NPM1: variants seen among roughly 807,000 people sequenced by gnomAD.
NPM1 encodes nucleophosmin 1, also known as nucleophosmin.
Under a neutral mutation model 44.1 loss-of-function variants are expected in NPM1, and 1 was observed. That is an observed-to-expected ratio of 0.02 (90% confidence interval 0.01 to 0.11). NPM1 has a LOEUF of 0.11. Ranked by LOEUF, NPM1 falls within the 10% of genes least tolerant of loss-of-function variation. The probability of loss-of-function intolerance (pLI) is 1.00; values close to 1 mark genes in which losing one functional copy is unlikely to be tolerated. For missense variants in NPM1, 197 were observed against 347.8 expected, an observed-to-expected ratio of 0.57 and a Z score of 3.45; for synonymous variants, 126 against 111.8, an observed-to-expected ratio of 1.13 and a Z score of -0.80.
At chr5:171,388,780 C>G (rs1000983258) in intron 1 of NPM1, among the ~76,000 whole-genome samples, 1 of 152,180 alleles carries the variant, frequency 6.6e-6, no homozygotes, top group African/African-American at 2.4e-5. Flanking sequence ...TTTTGAGCCC[C>G]TTTTCTGTCT....
intron 8 of NPM1, among the ~76,000 whole-genome samples, 177 bp downstream of exon 8, chr5:171,401,102 C>T (rs1005083831): frequency 1.3e-5 from 2 of 151,982 alleles, no homozygotes; most frequent in African/African-American, 4.8e-5. Context: ...CCTGTAATCC[C>T]AGCACTTTGG....
At chr5:171,393,966 C>G (rs1335315400) in intron 6 of NPM1, among the ~76,000 whole-genome samples, 1 of 151,578 alleles carries the variant, frequency 6.6e-6, no homozygotes, top group Non-Finnish European at 1.5e-5. Context: ...AATAAAAATT[C>G]AAAGTACTTG....
chr5:171,400,943 C>T lies in NPM1; in HGVS notation c.669+18C>T, dbSNP rs755083292. ...GATCAAAAGTAAGTGGCTACATTTA[C>T]ACGTGGGTCTCATTGATCTAGTTGG... On this transcript the variant is annotated intron_variant, in intron 8 of 10. Coordinates refer to ENST00000296930, the MANE Select transcript of NPM1 (RefSeq NM_002520.7). 6.6e-6 allele frequency: 10 copies of T among 1,516,670 alleles called. No homozygotes were observed. The highest frequency in any genetic ancestry group is 3.4e-5 in the Admixed American group (2 of 59,590). 94.0% of individuals were successfully genotyped at this position (1,516,670 alleles called of 1,614,324 possible).
At position 171,390,849 on chromosome 5, in the gene NPM1, A is replaced by T. The variant is rs990713509; in HGVS notation, c.139-456A>T. ...AGTAATTCCCTGCCTCACCCTCCCG[A>T]GTAGCTGGGATTACAGGCATGTGCC... is the stretch of plus-strand genomic sequence containing the variant. On this transcript the variant is annotated intron_variant, in intron 2 of 10. Transcript: ENST00000296930. Among the ~76,000 whole-genome samples, 17 of 151,830 alleles carry T rather than the reference A, an allele frequency of 1.1e-4. 1 individual carries two copies. The highest frequency in any genetic ancestry group is 2.1e-4 in the Non-Finnish European group (14 of 67,978).
At chr5:171,387,707 A>C (rs1770291127), upstream of NPM1, 2 of 548,512 alleles carry the variant, frequency 3.6e-6, no homozygotes, top group South Asian at 4.5e-5. Context: ...GCGAGGTAGA[A>C]AGGAGTGGGG....
chr5:171,400,346 AT>A, intron 7 of NPM1, 136 bp downstream of exon 7: 1 of 560,018 alleles, frequency 1.8e-6, no homozygotes, highest in Non-Finnish European at 2.6e-6. Context: ...CCTGAGGAGG[AT>A]TACAGAAAAC....
chr5:171,399,694 T>TTTA (rs10684218), intron 6 of NPM1, among the ~76,000 whole-genome samples: 3 of 151,862 alleles, frequency 2.0e-5, no homozygotes, highest in Non-Finnish European at 4.4e-5. Flanking sequence ...TTTTTTTTTT[T>TTTA]AACACAAATT....
At chr5:171,400,982 A>C in intron 8 of NPM1, 57 bp downstream of exon 8, 1 of 1,156,770 alleles carries the variant, frequency 8.6e-7, no homozygotes, top group East Asian at 2.3e-5. Context: ...AAAAGATTCT[A>C]CTGTGGAAGA....
At chr5:171,407,533 A>G (rs996893900) in intron 9 of NPM1, 167 bp from the exon 10 acceptor site, 13 of 629,338 alleles carry the variant, frequency 2.1e-5, no homozygotes, top group Non-Finnish European at 2.2e-5. Context: ...ATGCTGCCCA[A>G]TAGGGCTTTC....
At chr5:171,399,709 CTGAG>C (rs1442213690) in intron 6 of NPM1, among the ~76,000 whole-genome samples, 2 of 151,692 alleles carry the variant, frequency 1.3e-5, no homozygotes, top group Admixed American at 6.6e-5. Flanking sequence ...CAAATTCACT[CTGAG>C]TGTACAGTTT....
chr5:171,389,353 AGT>A (rs1368244932), intron 1 of NPM1, among the ~76,000 whole-genome samples: 1 of 152,240 alleles, frequency 6.6e-6, no homozygotes, highest in East Asian at 1.9e-4. Flanking sequence ...TTATTCTGAC[AGT>A]GTTTTGAAGA....
intron 6 of NPM1, among the ~76,000 whole-genome samples, chr5:171,395,830 G>C (rs1207330584): frequency 1.3e-5 from 2 of 152,176 alleles, no homozygotes; most frequent in Admixed American, 1.3e-4. Flanking sequence ...GATGACTCTT[G>C]ATTTAAGCAA....
rs373962671 is a variant in NPM1 at position 171,387,954 on chromosome 5, A to G, written c.6A>G (p.Glu2=). M[E]DSMDMDMSPL... Reference sequence around the variant, plus strand: ...TAAGTGCGTGCCGCCACCCGATGGAAGATTCGATGGACATGGACATGAGCC... The same window carrying G: ...TAAGTGCGTGCCGCCACCCGATGGAGGATTCGATGGACATGGACATGAGCC... Residue 2 remains glutamate (E), a synonymous_variant, in exon 1 of 11, where the codon GAA becomes GAG. Coordinates refer to ENST00000296930, the MANE Select transcript of NPM1 (RefSeq NM_002520.7). 134 of 1,610,638 alleles carry G rather than the reference A, an allele frequency of 8.3e-5. No homozygotes were observed. Among genetic ancestry groups the G allele is most frequent in the Non-Finnish European group, 1.0e-4 (122 of 1,178,848 alleles).
chr5:171,391,305 G>T lies in NPM1; in HGVS notation c.139G>T (p.Val47Phe), dbSNP rs2113167808. Residue 47 changes from valine to phenylalanine, a missense_variant and splice_region_variant, in exon 3 of 11, where the codon GTC becomes TTC. Around this residue, in one of 5 missense-constraint regions of NPM1, gnomAD observed 43 missense variants for 109.6 expected, o/e 0.39. Coordinates refer to ENST00000296930, the MANE Select transcript of NPM1 (RefSeq NM_002520.7). ...ENEHQLSLRT[V>F]SLGAGAKDEL... ...AGTAGTATTTTTTTTTTGTTCACAG[G>T]TCAGTTTAGGGGCTGGTGCAAAGGA... 6.2e-7 allele frequency: 1 copy of T among 1,608,526 alleles called. No homozygotes were observed. Among genetic ancestry groups the T allele is most frequent in the Non-Finnish European group, 8.5e-7 (1 of 1,178,068 alleles).
chr5:171,404,812 C>T (rs1771476589), intron 8 of NPM1, among the ~76,000 whole-genome samples: 1 of 151,486 alleles, frequency 6.6e-6, no homozygotes, highest in African/African-American at 2.4e-5. Context: ...TGTAGTGAGC[C>T]GAGATCACGC....
chr5:171,388,785 C>G (rs1306022259), intron 1 of NPM1, among the ~76,000 whole-genome samples: 2 of 152,222 alleles, frequency 1.3e-5, no homozygotes, highest in Admixed American at 6.5e-5. Context: ...AGCCCCTTTT[C>G]TGTCTCACTG....
chr5:171,392,303 T>C (rs115051290), intron 4 of NPM1, among the ~76,000 whole-genome samples: 5,558 of 152,280 alleles, frequency 0.036, 385 homozygotes, highest in African/African-American at 0.13. Context: ...GATGTGATCA[T>C]AGCTTGCTAT....
intron 10 of NPM1, among the ~76,000 whole-genome samples, chr5:171,408,609 T>C (rs57092915): frequency 0.14 from 21,747 of 152,220 alleles, 1,688 homozygotes; most frequent in Middle Eastern, 0.28. Flanking sequence ...GTGAAAGTTG[T>C]AGTGATGGGC....
At chr5:171,395,882 A>G (rs1398984685) in intron 6 of NPM1, among the ~76,000 whole-genome samples, 1 of 152,180 alleles carries the variant, frequency 6.6e-6, no homozygotes. Flanking sequence ...TATACTATAC[A>G]TAGATGTATG....
Sources: gnomAD v4.1 joint callset for allele counts (sites outside exome capture counted in the v4.1 genomes callset) on GRCh38, gnomAD v4.1.1 for gene constraint, gnomAD v4.1.1 regional missense constraint, MANE v1.5 for transcripts, NCBI Gene and HGNC (gene_info 2026-07-23, HGNC 2026-07-21) for gene names.